RHBDD1: variants seen among roughly 807,000 people sequenced by gnomAD.
RHBDD1 encodes the protein rhomboid-related protein 4.
A neutral mutation model predicts 36.3 loss-of-function variants in RHBDD1; 38 were observed. The observed-to-expected ratio is 1.05, with a 90% confidence interval of 0.81 to 1.37. The LOEUF (loss-of-function observed/expected upper bound fraction) is 1.37. RHBDD1 is among the 40% of genes most tolerant of loss of function. The pLI is 0.00. For synonymous variants in RHBDD1, 151 were observed against 136.5 expected, an observed-to-expected ratio of 1.11 and a Z score of -0.74; for missense variants, 393 against 377.6, an observed-to-expected ratio of 1.04 and a Z score of -0.34.
At chr2:226,857,854 G>T (rs1344409346) in intron 3 of RHBDD1, among the ~76,000 whole-genome samples, 4 of 152,092 alleles carry the variant, frequency 2.6e-5, no homozygotes, top group African/African-American at 9.7e-5. Context: ...AATTAGATAT[G>T]CACAACCTTG....
intron 5 of RHBDD1, among the ~76,000 whole-genome samples, chr2:226,880,186 T>A (rs1313967675): frequency 6.6e-6 from 1 of 152,190 alleles, no homozygotes; most frequent in Non-Finnish European, 1.5e-5. Context: ...GTATATAGAA[T>A]GATACCCTGT....
chr2:226,801,840 G>C, the RHBDD1 span, among the ~76,000 whole-genome samples: 6 of 152,158 alleles, frequency 3.9e-5, no homozygotes, highest in East Asian at 9.6e-4. Context: ...AAAAAAGAGA[G>C]ATTATAAAAG....
the RHBDD1 span, chr2:226,804,411 C>A: frequency 1.3e-5 from 2 of 152,170 alleles, no homozygotes; most frequent in Non-Finnish European, 2.9e-5. Flanking sequence ...TTGGCAAATG[C>A]ACAGCCTTAA....
intron 1 of RHBDD1, chr2:226,837,509 A>T (rs771187144): frequency 6.6e-6 from 1 of 152,086 alleles, no homozygotes; most frequent in Admixed American, 6.5e-5. Context: ...TTTATGTTGA[A>T]GAGTAGTTTT....
chr2:226,877,570 T>A (rs1454137582), intron 5 of RHBDD1, among the ~76,000 whole-genome samples: 15 of 148,604 alleles, frequency 1.0e-4, no homozygotes, highest in Non-Finnish European at 1.9e-4. Context: ...TTTTTTTTTT[T>A]AACCATAGTT....
the RHBDD1 span, among the ~76,000 whole-genome samples, chr2:226,822,649 A>T: frequency 1.0e-3 from 156 of 150,610 alleles, 2 homozygotes; most frequent in Non-Finnish European, 1.9e-3. Flanking sequence ...AAAAAAAAAA[A>T]AAAGAAAATA....
Position 226,974,760 on chromosome 2 carries a change from GGCTGAGAGTCGTGAACTGTACAGT to G in RHBDD1, c.857-20654_857-20631del, listed in dbSNP as rs1381336029. Among the ~76,000 whole-genome samples, 17 of 152,304 alleles carry G rather than the reference GGCTGAGAGTCGTGAACTGTACAGT, an allele frequency of 1.1e-4. No homozygotes were observed. In the East Asian group the frequency reaches 2.3e-3, roughly 21 times the overall value. ...AAGAGCAGGGTGGATACTCCCTGCAGGCTGAGAGTCGTGAACTGTACAGTGCTGAGAGTCGTGAACCATACAGTG... is the reference window on the plus strand; with the variant it reads ...AAGAGCAGGGTGGATACTCCCTGCAGGCTGAGAGTCGTGAACCATACAGTG... On this transcript the variant is annotated intron_variant, in intron 8 of 8. Coordinates refer to ENST00000392062, the MANE Select transcript of RHBDD1 (RefSeq NM_001167608.3).
intron 5 of RHBDD1, among the ~76,000 whole-genome samples, chr2:226,904,321 C>T (rs955016467): frequency 6.6e-6 from 1 of 152,000 alleles, no homozygotes; most frequent in South Asian, 2.1e-4. Context: ...AGCTCCTGCA[C>T]CTGCCCATCT....
chr2:226,887,022 TTTAA>T (rs1946278050), intron 5 of RHBDD1, among the ~76,000 whole-genome samples: 1 of 152,080 alleles, frequency 6.6e-6, no homozygotes, highest in Non-Finnish European at 1.5e-5. Context: ...CTGTGGCAGG[TTTAA>T]TTAAGAAAAT....
intron 5 of RHBDD1, among the ~76,000 whole-genome samples, chr2:226,901,801 A>G (rs1171690921): frequency 1.3e-5 from 2 of 152,224 alleles, no homozygotes; most frequent in South Asian, 2.1e-4. Context: ...AAATGACCCA[A>G]TTGAAAAATG....
At chr2:226,829,966 T>C in the RHBDD1 span, among the ~76,000 whole-genome samples, 1 of 152,112 alleles carries the variant, frequency 6.6e-6, no homozygotes, top group Non-Finnish European at 1.5e-5. Flanking sequence ...AACTATGATA[T>C]TGACTGTAGG....
intron 3 of RHBDD1, among the ~76,000 whole-genome samples, chr2:226,858,105 G>A (rs1338072432): frequency 6.6e-6 from 1 of 152,136 alleles, no homozygotes; most frequent in Non-Finnish European, 1.5e-5. Context: ...CATCTGGAAG[G>A]TCAGGTTTTA....
upstream of RHBDD1, chr2:226,835,639 G>C (rs1940881436): frequency 6.6e-6 from 1 of 152,434 alleles, no homozygotes; most frequent in Non-Finnish European, 1.5e-5. Context: ...TCCCGGCAGA[G>C]AACCTGGGCA....
chr2:226,966,339 T>G (rs766490960), intron 8 of RHBDD1, among the ~76,000 whole-genome samples: 1 of 152,146 alleles, frequency 6.6e-6, no homozygotes, highest in Non-Finnish European at 1.5e-5. Flanking sequence ...CTATGGTACC[T>G]AACTATATAG....
chr2:226,837,603 C>T (rs903734523), intron 1 of RHBDD1: 1 of 152,258 alleles, frequency 6.6e-6, no homozygotes, highest in Admixed American at 6.5e-5. Context: ...ATGGTGCAAT[C>T]TTGGATCACT....
At chr2:226,974,732 C>A (rs921642108) in intron 8 of RHBDD1, among the ~76,000 whole-genome samples, 3 of 152,152 alleles carry the variant, frequency 2.0e-5, no homozygotes, top group Non-Finnish European at 4.4e-5. Flanking sequence ...GTGTCCCGCA[C>A]CCAAGAGCAG....
At chr2:226,991,427 G>A (rs1016176493) in intron 8 of RHBDD1, among the ~76,000 whole-genome samples, 7 of 152,148 alleles carry the variant, frequency 4.6e-5, no homozygotes, top group East Asian at 3.9e-4. Context: ...TGAACCGCCC[G>A]CCTCAGCCTC....
rs151186893 is a variant in RHBDD1, at chr2:226,872,694, A to C, written c.566+5376A>C. On this transcript the variant is annotated intron_variant, in intron 5 of 8. Transcript: ENST00000392062. ...AGGTTTTAGTTTTCTTCATTGATCTACTTTGTTCTTAAATCAGCAAGTAAT... is the reference window on the plus strand; with the variant it reads ...AGGTTTTAGTTTTCTTCATTGATCTCCTTTGTTCTTAAATCAGCAAGTAAT... Among the ~76,000 whole-genome samples the C allele has an allele frequency of 4.5e-3, 689 of 152,286 alleles. 5 individuals carry two copies. The highest frequency in any genetic ancestry group is 0.016 in the African/African-American group (653 of 41,568).
At chr2:226,966,730 A>G (rs981272730) in intron 8 of RHBDD1, among the ~76,000 whole-genome samples, 3 of 152,166 alleles carry the variant, frequency 2.0e-5, no homozygotes, top group Non-Finnish European at 4.4e-5. Flanking sequence ...TTAGAAATGC[A>G]TATTTTTGGA....
Sources: gnomAD v4.1 joint callset for allele counts (sites outside exome capture counted in the v4.1 genomes callset) on GRCh38, gnomAD v4.1.1 for gene constraint, MANE v1.5 for transcripts, NCBI Gene and HGNC (gene_info 2026-07-23, HGNC 2026-07-21) for gene names.